TRAPPC8: variants seen among roughly 807,000 people sequenced by gnomAD.
TRAPPC8 encodes general sporulation gene 1 homolog.
TRAPPC8 carries 54 observed loss-of-function variants against 174.3 expected under a neutral mutation model. The ratio of observed to expected loss-of-function variants is 0.31; its 90% CI spans 0.25 to 0.39. The LOEUF (loss-of-function observed/expected upper bound fraction) is 0.39, where lower values mean the gene tolerates loss of function less well. Among genes scored for constraint, TRAPPC8 ranks in the 10% least tolerant of loss-of-function variants. TRAPPC8 has a pLI of 1.00. For missense variants in TRAPPC8, 1,531 were observed against 1,699.1 expected (o/e 0.90, Z 1.74); for synonymous variants, 630 against 579.9 (o/e 1.09, Z -1.24).
At chr18:31,937,142 A>C (rs2038141236) in intron 1 of TRAPPC8, among the ~76,000 whole-genome samples, 1 of 152,102 alleles carries the variant, frequency 6.6e-6, no homozygotes, top group African/African-American at 2.4e-5. Flanking sequence ...TGAACCCAGG[A>C]GGCGGAGCTT....
rs183423534 is a variant in TRAPPC8, at chr18:31,834,186, T to G, written c.3984-2013A>C. 7.2e-3 allele frequency among the ~76,000 whole-genome samples: 1,094 copies of G among 151,858 alleles called. 14 individuals carry two copies. The highest frequency in any genetic ancestry group is 0.025 in the African/African-American group (1,050 of 41,444). ...GTGCAGTGGCACGATCTTGGCTCAC[T>G]GCACCCTCAGCTTCCCAGGTTCAAG... is the stretch of plus-strand genomic sequence containing the variant. On this transcript the variant is annotated intron_variant, in intron 27 of 28. Transcript: ENST00000283351.
chr18:31,895,651 A>C (rs1014504804), intron 11 of TRAPPC8: 2 of 152,222 alleles, frequency 1.3e-5, no homozygotes, highest in African/African-American at 4.8e-5. Context: ...GCAAGGAAGA[A>C]AAAAAGGAAT....
At chr18:31,872,759 T>G (rs934858073) in intron 14 of TRAPPC8, among the ~76,000 whole-genome samples, 1 of 152,120 alleles carries the variant, frequency 6.6e-6, no homozygotes, top group Non-Finnish European at 1.5e-5. Context: ...AAACAGTCTA[T>G]ATATATCAAG....
chr18:31,875,832 A>G (rs1270293728), intron 12 of TRAPPC8, among the ~76,000 whole-genome samples: 1 of 150,088 alleles, frequency 6.7e-6, no homozygotes, highest in Non-Finnish European at 1.5e-5. Flanking sequence ...CAGATCCTGC[A>G]TGTTCTCACT....
Position 31,903,311 on chromosome 18 carries a change from A to G in TRAPPC8, c.1390-2286T>C, listed in dbSNP as rs187031803. On this transcript the variant is annotated intron_variant, in intron 9 of 28. Transcript: ENST00000283351. ...CAGAAGAATTATCTACGACAGTAAT[A>G]TAAGTAATACATTTATATAAGCTTT... Among the ~76,000 whole-genome samples the G allele has an allele frequency of 1.4e-4, 22 of 152,346 alleles. No homozygotes were observed. In the South Asian group the frequency reaches 1.7e-3, roughly 11 times the overall value.
chr18:31,941,417 T>C (rs2038337185), intron 1 of TRAPPC8, among the ~76,000 whole-genome samples: 1 of 152,118 alleles, frequency 6.6e-6, no homozygotes, highest in Non-Finnish European at 1.5e-5. Context: ...CACTCCAGTC[T>C]GGGCAACAAG....
Position 31,853,897 on chromosome 18 carries a change from T to C in TRAPPC8, c.3385A>G (p.Ser1129Gly). Residue 1129 changes from serine (S) to glycine (G), a missense_variant, in exon 22 of 29, where the codon AGC becomes GGC. Coordinates refer to ENST00000283351, the MANE Select transcript of TRAPPC8 (RefSeq NM_014939.5). ...GATTTCTGTAACTTCCAGTGTTTGC[T>C]ACTACTTGATACTTGCACTATGTGG... ...EFHIVQVSSS[S>G]KHWKLQKSVN... The C allele has an allele frequency of 6.2e-7, 1 of 1,611,696 alleles. No individual in the cohort carries two copies. Among genetic ancestry groups the C allele is most frequent in the Non-Finnish European group, 8.5e-7 (1 of 1,179,612 alleles).
chr18:31,873,712 CT>C, intron 13 of TRAPPC8, 174 bp from the exon 14 acceptor site: 1 of 491,130 alleles, frequency 2.0e-6, no homozygotes, highest in South Asian at 3.0e-5. Flanking sequence ...CTCAGAAGCA[CT>C]TCAGATATTT....
intron 26 of TRAPPC8, among the ~76,000 whole-genome samples, chr18:31,840,024 A>G (rs1016004248): frequency 6.6e-6 from 1 of 152,216 alleles, no homozygotes; most frequent in African/African-American, 2.4e-5. Context: ...GCTGTTTGTC[A>G]GGCACATTAT....
chr18:31,916,249 T>A (rs769463984), intron 4 of TRAPPC8, 23 bp downstream of exon 4: 1 of 1,444,112 alleles, frequency 6.9e-7, no homozygotes, highest in East Asian at 2.6e-5. Flanking sequence ...TGGAAAAAAT[T>A]TAAAACTAAA....
At chr18:31,839,859 G>A (rs867627181) in intron 26 of TRAPPC8, among the ~76,000 whole-genome samples, 1 of 152,064 alleles carries the variant, frequency 6.6e-6, no homozygotes, top group African/African-American at 2.4e-5. Flanking sequence ...GCAGACATTC[G>A]ATTGCATAGC....
intron 11 of TRAPPC8, among the ~76,000 whole-genome samples, chr18:31,893,162 C>G (rs769312333): frequency 3.3e-5 from 5 of 151,748 alleles, no homozygotes; most frequent in Non-Finnish European, 7.4e-5. Flanking sequence ...TGGTTTGTTG[C>G]GATTTTCTGC....
In TRAPPC8 at chr18:31,890,766, A is replaced by G. The variant is rs759641504; in HGVS notation, c.1697T>C (p.Leu566Ser). 1 of 1,612,182 alleles carries G rather than the reference A, an allele frequency of 6.2e-7. No individual in the cohort carries two copies. The highest frequency in any genetic ancestry group is 8.5e-7 in the Non-Finnish European group (1 of 1,178,914). Residue 566 changes from leucine to serine, a missense_variant, in exon 12 of 29, where the codon TTG becomes TCG. By Grantham distance (145) the Leu-to-Ser change is moderately radical. Transcript: ENST00000283351. ...TGCTTTACTAAATCGATGGCCTGCC[A>G]ATATCATATGAAATGCATATTTTCT... ...MVRKYAFHMILAGHRFSKAGQ... is the reference protein window; with the variant it reads ...MVRKYAFHMISAGHRFSKAGQ...
At chr18:31,880,112 TATATATA>T (rs1357987948) in intron 12 of TRAPPC8, among the ~76,000 whole-genome samples, 7 of 90,852 alleles carry the variant, frequency 7.7e-5, no homozygotes, top group East Asian at 2.3e-4. Context: ...TATATATATA[TATATATA>T]TATTTTTTTT....
chr18:31,899,528 T>C (rs1411673217), intron 10 of TRAPPC8, among the ~76,000 whole-genome samples: 1 of 152,252 alleles, frequency 6.6e-6, no homozygotes, highest in Non-Finnish European at 1.5e-5. Flanking sequence ...AGTGCATCTA[T>C]TCTGAAACAA....
chr18:31,873,307 C>T (rs141367031), intron 14 of TRAPPC8, 123 bp downstream of exon 14: 224 of 792,428 alleles, frequency 2.8e-4, no homozygotes, highest in Non-Finnish European at 3.6e-4. Flanking sequence ...ATGAGCCAAT[C>T]GTACCCGGCT....
At chr18:31,884,226 A>G (rs2035594288) in intron 12 of TRAPPC8, among the ~76,000 whole-genome samples, 2 of 152,210 alleles carry the variant, frequency 1.3e-5, no homozygotes, top group South Asian at 4.1e-4. Context: ...TTTCCAGAGC[A>G]TTAGCATATG....
In TRAPPC8 at chr18:31,928,336, TACACACACACACAC is replaced by T. The variant is rs34570497; in HGVS notation, c.352+2979_352+2992del. Among the ~76,000 whole-genome samples, 11 of 142,956 alleles carry T rather than the reference TACACACACACACAC, an allele frequency of 7.7e-5. 1 individual carries two copies. The South Asian group carries it at 9.1e-4, about 12-fold the overall frequency. The allele number at this position is 142,956 out of a possible 152,430, so 93.8% of individuals were successfully genotyped here. On this transcript the variant is annotated intron_variant, in intron 2 of 28. Coordinates refer to ENST00000283351, the MANE Select transcript of TRAPPC8 (RefSeq NM_014939.5). ...AATAAACACAGCGAGACCTTATCTC[TACACACACACACAC>T]ACACACACACACACACAGATTTTAA...
At chr18:31,937,568 A>C (rs1178054994) in intron 1 of TRAPPC8, 1 of 152,218 alleles carries the variant, frequency 6.6e-6, no homozygotes, top group African/African-American at 2.4e-5. Flanking sequence ...TAAAATTGGA[A>C]TGATACAGAG....
Sources: allele counts gnomAD v4.1 joint callset (sites outside exome capture counted in the v4.1 genomes callset), GRCh38; gene constraint gnomAD v4.1.1; transcripts MANE v1.5; gene names NCBI Gene and HGNC (gene_info 2026-07-23, HGNC 2026-07-21).